SLC37A1: variants seen among roughly 807,000 people sequenced by gnomAD.
SLC37A1 encodes the protein solute carrier family 37 member 1, also known as glucose-6-phosphate exchanger SLC37A1.
Under a neutral mutation model 75.3 loss-of-function variants are expected in SLC37A1, and 49 were observed. That is an observed-to-expected ratio of 0.65 (90% CI 0.52 to 0.83). SLC37A1 has a LOEUF of 0.83. SLC37A1 is among the 40% of genes least tolerant of loss of function. The pLI is 0.00. For missense variants in SLC37A1, 566 were observed against 695.0 expected (o/e 0.81, Z 2.09); for synonymous variants, 268 against 292.1 (o/e 0.92, Z 0.84).
intron 16 of SLC37A1, 61 bp downstream of exon 16, chr21:42,567,119 A>T: frequency 1.3e-6 from 2 of 1,568,944 alleles, no homozygotes; most frequent in Non-Finnish European, 1.7e-6. Flanking sequence ...CATTCATGAC[A>T]AAAGTGGCCT....
intron 14 of SLC37A1, 101 bp downstream of exon 14, chr21:42,564,894 C>T: frequency 9.0e-7 from 1 of 1,114,134 alleles, no homozygotes; most frequent in Non-Finnish European, 1.3e-6. Context: ...GCTCCACTTT[C>T]CTGACAAGCC....
intron 15 of SLC37A1, among the ~76,000 whole-genome samples, chr21:42,566,574 A>AC (rs139911697): frequency 0.031 from 4,694 of 151,866 alleles, 254 homozygotes; most frequent in African/African-American, 0.11. Flanking sequence ...ATTTCCTGTG[A>AC]CCCCCCCTCA....
intron 1 of SLC37A1, among the ~76,000 whole-genome samples, chr21:42,516,775 A>G (rs377026494): frequency 5.6e-4 from 85 of 152,308 alleles, no homozygotes; most frequent in African/African-American, 2.0e-3. Flanking sequence ...TGGCAATGGA[A>G]TGTTTCCAGA....
intron 18 of SLC37A1, among the ~76,000 whole-genome samples, chr21:42,577,428 T>G (rs1035742489): frequency 6.6e-6 from 1 of 152,242 alleles, no homozygotes; most frequent in African/African-American, 2.4e-5. Context: ...CAGAAAAAGC[T>G]TTCTGACTCT....
chr21:42,506,010 T>C (rs2054381174), intron 2 of SLC37A1, among the ~76,000 whole-genome samples: 1 of 152,204 alleles, frequency 6.6e-6, no homozygotes, highest in Non-Finnish European at 1.5e-5. Flanking sequence ...ATGTGACACA[T>C]TTAATAAGGC....
At position 42,530,654 on chromosome 21, in the gene SLC37A1, A is replaced by ACACACACACACACAC. The variant is rs1161313598; in HGVS notation, c.139-4043_139-4042insACACACACACACACC. Among the ~76,000 whole-genome samples the ACACACACACACACAC allele has an allele frequency of 2.0e-3, 71 of 35,896 alleles. 5 individuals are homozygous for ACACACACACACACAC. Among genetic ancestry groups the ACACACACACACACAC allele is most frequent in the Non-Finnish European group, 2.7e-3 (51 of 19,106 alleles). The allele number at this position is 35,896 out of a possible 152,430, so 23.5% of individuals were successfully genotyped here. A position where few individuals can be genotyped will look rare whatever the true frequency, so the allele number is the denominator to read the frequency against. On this transcript the variant is annotated intron_variant, in intron 3 of 19. Transcript: ENST00000352133. ...CACACACACACACACACACACACAC[A>ACACACACACACACAC]CCCCCTCTGTGTTGGCTGAAGGTGG...
Position 42,506,733 on chromosome 21 carries a change from A to C in SLC37A1, c.-179+4316A>C, listed in dbSNP as rs143578070. On this transcript the variant is annotated intron_variant, in intron 2 of 20. Transcript: ENST00000398341. The stretch of plus-strand genomic sequence containing the variant: ...CTTTCACAGGGTCCCAAAAATAGTA[A>C]GTTTGGGGTCACAATTTGAACTTGT... Among the ~76,000 whole-genome samples, 191 of 152,234 alleles carry C rather than the reference A, an allele frequency of 1.3e-3. 1 individual carries two copies. Among genetic ancestry groups the C allele is most frequent in the African/African-American group, 4.1e-3 (171 of 41,530 alleles).
At chr21:42,542,550 G>C (rs2055310044) in intron 7 of SLC37A1, 70 bp downstream of exon 7, 2 of 1,474,128 alleles carry the variant, frequency 1.4e-6, no homozygotes, top group African/African-American at 2.8e-5. Context: ...TTTTTCTGTA[G>C]ACTGATTACA....
chr21:42,563,476 C>CCATGTGGTCAGACAGCA (rs143428135), intron 12 of SLC37A1, among the ~76,000 whole-genome samples: 15,248 of 152,010 alleles, frequency 0.1, 2,335 homozygotes, highest in African/African-American at 0.33. Flanking sequence ...AGTTCTAAAG[C>CCATGTGGTCAGACAGCA]CGTGTGACAG....
chr21:42,519,664 C>G (rs2054597823), intron 2 of SLC37A1, among the ~76,000 whole-genome samples: 1 of 152,212 alleles, frequency 6.6e-6, no homozygotes, highest in Non-Finnish European at 1.5e-5. Flanking sequence ...CTCAGCCCTG[C>G]TGGTTGGTGG....
intron 1 of SLC37A1, chr21:42,502,242 A>G (rs2054347862): frequency 1.3e-5 from 2 of 152,250 alleles, no homozygotes; most frequent in South Asian, 4.1e-4. Context: ...AAATATTAAC[A>G]TCTGAATGCA....
At chr21:42,554,985 T>A (rs1324411348) in intron 10 of SLC37A1, among the ~76,000 whole-genome samples, 1 of 142,522 alleles carries the variant, frequency 7.0e-6, no homozygotes. Context: ...GTTGGTTGTT[T>A]TTTTTTTTTT....
chr21:42,567,688 TA>T (rs2056015125), intron 16 of SLC37A1, among the ~76,000 whole-genome samples: 1 of 152,082 alleles, frequency 6.6e-6, no homozygotes, highest in African/African-American at 2.4e-5. Context: ...TACAAGCATT[TA>T]TTTTTTTGAA....
intron 14 of SLC37A1, among the ~76,000 whole-genome samples, chr21:42,565,127 C>T (rs1398481016): frequency 2.0e-5 from 3 of 152,262 alleles, no homozygotes; most frequent in Admixed American, 6.5e-5. Flanking sequence ...TGACACCTCC[C>T]GTCATGATGC....
At chr21:42,571,039 CA>C (rs2056150288) in intron 17 of SLC37A1, among the ~76,000 whole-genome samples, 1 of 152,276 alleles carries the variant, frequency 6.6e-6, no homozygotes, top group Non-Finnish European at 1.5e-5. Context: ...CACTGCCCAT[CA>C]GTGCCTGCTG....
chr21:42,544,691 G>A (rs1045220448), intron 8 of SLC37A1, among the ~76,000 whole-genome samples: 1 of 152,198 alleles, frequency 6.6e-6, no homozygotes, highest in Non-Finnish European at 1.5e-5. Context: ...GGGATGGGTG[G>A]GGGTCTGGAT....
chr21:42,576,000 T>C (rs1166877245), intron 18 of SLC37A1: 1 of 973,278 alleles, frequency 1.0e-6, no homozygotes, highest in African/African-American at 1.8e-5. Context: ...GTAATATATA[T>C]TGAAAATTGT....
At position 42,580,131 on chromosome 21, in the gene SLC37A1, C is replaced by CGCTCCCTT. The variant is rs557961319; in HGVS notation, c.1587-213_1587-206dup. ...TTTCCCTCCCCCCTTGGTCCTCCCT[C>CGCTCCCTT]GCTCCCTTCTCACTTCTTCCTGGCC... On this transcript the variant is annotated intron_variant, in intron 19 of 19. Transcript: ENST00000352133. 3.2e-3 allele frequency among the ~76,000 whole-genome samples: 483 copies of CGCTCCCTT among 151,962 alleles called. 3 individuals carry two copies. Among genetic ancestry groups the CGCTCCCTT allele is most frequent in the African/African-American group, 0.011 (454 of 41,388 alleles).
At chr21:42,538,622 C>T (rs953015392) in intron 5 of SLC37A1, among the ~76,000 whole-genome samples, 2 of 152,226 alleles carry the variant, frequency 1.3e-5, no homozygotes, top group African/African-American at 4.8e-5. Context: ...TACAGCTTTT[C>T]TGTTTACTTA....
Sources: gnomAD v4.1 joint callset for allele counts (sites outside exome capture counted in the v4.1 genomes callset) on GRCh38, gnomAD v4.1.1 for gene constraint, MANE v1.5 for transcripts, NCBI Gene and HGNC (gene_info 2026-07-23, HGNC 2026-07-21) for gene names.